Variants in NYAP2 observed in about 807,000 individuals in gnomAD.
NYAP2 encodes neuronal tyrosine-phosphorylated phosphoinositide-3-kinase adaptor 2, also known as neuronal tyrosine-phosphorylated phosphoinositide-3-kinase adapter 2.
In NYAP2, 23 loss-of-function variants were observed where a neutral mutation model predicts 50.4. The ratio of observed to expected loss-of-function variants is 0.46; its 90% CI spans 0.33 to 0.65. The LOEUF is 0.65. NYAP2 is among the 30% of genes least tolerant of loss of function. The probability of loss-of-function intolerance (pLI) is 0.02; values close to 1 mark genes in which losing one functional copy is unlikely to be tolerated. For synonymous variants in NYAP2, 394 were observed against 365.2 expected (o/e 1.08, Z -0.90); for missense variants, 885 against 861.0 (o/e 1.03, Z -0.35).
intron 3 of NYAP2, among the ~76,000 whole-genome samples, chr2:225,459,620 C>CTATT (rs546809089): frequency 0.02 from 2,996 of 151,690 alleles, 101 homozygotes; most frequent in African/African-American, 0.067. Context: ...ATTTTTTCCT[C>CTATT]TATTTATTTA....
At position 225,578,682 on chromosome 2, in the gene NYAP2, A is replaced by C. The variant is rs114885996; in HGVS notation, c.524-3259A>C. ...TGTAAAAGTTAAGGAGATAAGGGAC[A>C]GGGAGCAGGAGAAACTTAAGCGGCT... is the stretch of plus-strand genomic sequence containing the variant. On this transcript the variant is annotated intron_variant, in intron 4 of 6. Transcript: ENST00000636099. Among the ~76,000 whole-genome samples, 1,009 of 152,312 alleles carry C rather than the reference A, an allele frequency of 6.6e-3. 11 individuals are homozygous for C. The highest frequency in any genetic ancestry group is 0.023 in the African/African-American group (963 of 41,554).
At position 225,626,903 on chromosome 2, in the gene NYAP2, T is replaced by C; in HGVS notation, c.1619-14T>C. ...ACTCTTGTTTAACAGAATGTAATTC[T>C]GGTTACTACACAGAATCAACAGAGG... On this transcript the variant is annotated splice_polypyrimidine_tract_variant and intron_variant, in intron 5 of 6. Transcript: ENST00000636099. 1 of 1,545,212 alleles carries C rather than the reference T, an allele frequency of 6.5e-7. No homozygotes were observed. Among genetic ancestry groups the C allele is most frequent in the Non-Finnish European group, 8.8e-7 (1 of 1,138,428 alleles).
At chr2:225,651,675 C>A (rs149812584) in exon 7 of NYAP2, 4 of 1,139,742 alleles carry the variant, frequency 3.5e-6, no homozygotes, top group Non-Finnish European at 5.0e-6. Flanking sequence ...TTAGGGGATG[C>A]GGGGGATGAG....
the NYAP2 span, among the ~76,000 whole-genome samples, chr2:225,678,557 G>C: frequency 6.6e-6 from 1 of 152,030 alleles, no homozygotes; most frequent in African/African-American, 2.4e-5. Flanking sequence ...TGAAGATAAA[G>C]TTCTTTCAGT....
chr2:225,632,062 C>A (rs1280022229), intron 6 of NYAP2, among the ~76,000 whole-genome samples: 1 of 152,178 alleles, frequency 6.6e-6, no homozygotes, highest in Admixed American at 6.5e-5. Flanking sequence ...AGGTGATCCA[C>A]CTGCCTAAGC....
chr2:225,510,836 A>AGTTAGATT (rs1190153266), intron 3 of NYAP2, among the ~76,000 whole-genome samples: 1 of 152,020 alleles, frequency 6.6e-6, no homozygotes, highest in African/African-American at 2.4e-5. Flanking sequence ...AAGCAGATAG[A>AGTTAGATT]GTTAGATTAA....
chr2:225,402,369 A>G (rs1694877201), intron 2 of NYAP2, among the ~76,000 whole-genome samples: 1 of 152,062 alleles, frequency 6.6e-6, no homozygotes, highest in Non-Finnish European at 1.5e-5. Context: ...CCAGTCAGCA[A>G]TTTATTAGAC....
chr2:225,464,054 G>A (rs940457927), intron 3 of NYAP2, among the ~76,000 whole-genome samples: 1 of 152,220 alleles, frequency 6.6e-6, no homozygotes, highest in African/African-American at 2.4e-5. Context: ...CTTGCAGGAT[G>A]TGGTGCATTC....
At chr2:225,404,156 G>T (rs183806519) in intron 2 of NYAP2, among the ~76,000 whole-genome samples, 1 of 151,882 alleles carries the variant, frequency 6.6e-6, no homozygotes, top group Admixed American at 6.6e-5. Context: ...AATTTACAAT[G>T]AGAATAGCCC....
At chr2:225,647,029 C>G (rs1013672334) in intron 6 of NYAP2, among the ~76,000 whole-genome samples, 8 of 152,026 alleles carry the variant, frequency 5.3e-5, no homozygotes, top group African/African-American at 1.9e-4. Context: ...CTTTAGGTAC[C>G]TTAGGTGATA....
At chr2:225,591,485 A>C (rs75321557) in intron 5 of NYAP2, among the ~76,000 whole-genome samples, 15,905 of 152,178 alleles carry the variant, frequency 0.1, 932 homozygotes, top group South Asian at 0.13. Context: ...AGAAGGCAGC[A>C]GTGCCCAGCC....
At chr2:225,439,293 G>A (rs961193345) in intron 3 of NYAP2, among the ~76,000 whole-genome samples, 34 of 152,212 alleles carry the variant, frequency 2.2e-4, no homozygotes, top group Non-Finnish European at 1.8e-4. Context: ...GATTAAGCCA[G>A]TGATGGCCTC....
intron 4 of NYAP2, among the ~76,000 whole-genome samples, chr2:225,579,094 GGAGAGAGA>G (rs34026452): frequency 4.2e-4 from 62 of 147,424 alleles, no homozygotes; most frequent in African/African-American, 1.5e-3. Flanking sequence ...AGAAGAGAGG[GGAGAGAGA>G]GAGAGAGAGA....
chr2:225,513,760 C>A, intron 4 of NYAP2, 88 bp downstream of exon 4: 1 of 1,035,364 alleles, frequency 9.7e-7, no homozygotes, highest in Non-Finnish European at 1.3e-6. Flanking sequence ...GCCTTCTTCA[C>A]TGGGCCACAT....
At chr2:225,663,370 T>C in the NYAP2 span, among the ~76,000 whole-genome samples, 1 of 152,064 alleles carries the variant, frequency 6.6e-6, no homozygotes, top group Non-Finnish European at 1.5e-5. Context: ...TGTAGTTGAG[T>C]TCCTCCATGC....
intron 3 of NYAP2, among the ~76,000 whole-genome samples, chr2:225,434,341 G>A (rs1270837394): frequency 6.6e-6 from 1 of 152,132 alleles, no homozygotes; most frequent in East Asian, 1.9e-4. Context: ...TGTAAATGAA[G>A]GAAACAAACC....
intron 4 of NYAP2, among the ~76,000 whole-genome samples, chr2:225,570,464 TG>T (rs1692048371): frequency 6.6e-6 from 1 of 152,190 alleles, no homozygotes; most frequent in Non-Finnish European, 1.5e-5. Context: ...TCTGCATGGC[TG>T]GGGAGGCCTC....
chr2:225,546,506 G>A (rs570051307), intron 4 of NYAP2, among the ~76,000 whole-genome samples: 52 of 152,018 alleles, frequency 3.4e-4, no homozygotes, highest in Non-Finnish European at 6.3e-4. Flanking sequence ...GGCTACTGCC[G>A]ATATTCACTT....
intron 3 of NYAP2, among the ~76,000 whole-genome samples, chr2:225,440,266 C>T (rs534918889): frequency 7.2e-5 from 11 of 152,122 alleles, no homozygotes; most frequent in Admixed American, 2.0e-4. Flanking sequence ...TCATAGGATG[C>T]GCTGGGTAGA....
Sources: allele counts gnomAD v4.1 joint callset (sites outside exome capture counted in the v4.1 genomes callset), GRCh38; gene constraint gnomAD v4.1.1; transcripts MANE v1.5; gene names NCBI Gene and HGNC (gene_info 2026-07-23, HGNC 2026-07-21).